Variants in KCNIP4 observed in about 807,000 individuals in gnomAD.
The protein encoded by KCNIP4 is potassium voltage-gated channel interacting protein 4, also known as Kv channel-interacting protein 4.
KCNIP4 carries 12 observed loss-of-function variants against 34.0 expected under a neutral mutation model. That is an observed-to-expected ratio of 0.35 (90% CI 0.23 to 0.57). The LOEUF is 0.57. Ranked by LOEUF, KCNIP4 falls within the 20% of genes least tolerant of loss-of-function variation. The probability of loss-of-function intolerance (pLI) is 0.83; values close to 1 mark genes in which losing one functional copy is unlikely to be tolerated. For synonymous variants in KCNIP4, 124 were observed against 102.2 expected (o/e 1.21, Z -1.29); for missense variants, 238 against 311.7 (o/e 0.76, Z 1.78).
At position 21,587,626 on chromosome 4, in the gene KCNIP4, T is replaced by G. The variant is rs190861988; in HGVS notation, c.61+360945A>C. 2.2e-4 allele frequency among the ~76,000 whole-genome samples: 33 copies of G among 152,158 alleles called. No homozygotes were observed. The East Asian group carries it at 6.2e-3, about 29-fold the overall frequency. On this transcript the variant is annotated intron_variant, in intron 1 of 8. Transcript: ENST00000382152. The stretch of plus-strand genomic sequence containing the variant: ...AAGTGCTTATTCTATCCCAGACGAT[T>G]TTCTAACTCACTGCAGCTGACCTGC...
intron 1 of KCNIP4, among the ~76,000 whole-genome samples, chr4:21,519,785 ATGTGTGTG>A (rs200025206): frequency 7.8e-6 from 1 of 128,578 alleles, no homozygotes; most frequent in Non-Finnish European, 1.6e-5. Context: ...ACGTGTGTGT[ATGTGTGTG>A]TATACACGTG....
intron 5 of KCNIP4, among the ~76,000 whole-genome samples, chr4:20,739,201 TA>T (rs1750448339): frequency 1.3e-5 from 2 of 152,280 alleles, no homozygotes; most frequent in South Asian, 4.2e-4. Flanking sequence ...TCTGCAGACT[TA>T]AACATCCCTG....
At chr4:21,010,729 G>A (rs1156610702) in intron 1 of KCNIP4, among the ~76,000 whole-genome samples, 1 of 152,182 alleles carries the variant, frequency 6.6e-6, no homozygotes, top group Non-Finnish European at 1.5e-5. Flanking sequence ...TTAGCAATAA[G>A]AGCATAGTAT....
At chr4:21,680,086 A>G (rs1225317748) in intron 1 of KCNIP4, among the ~76,000 whole-genome samples, 1 of 152,190 alleles carries the variant, frequency 6.6e-6, no homozygotes, top group Non-Finnish European at 1.5e-5. Flanking sequence ...CTGTTTGATA[A>G]CATTTTACCC....
At chr4:21,102,320 T>C (rs1328298470) in intron 1 of KCNIP4, among the ~76,000 whole-genome samples, 1 of 152,194 alleles carries the variant, frequency 6.6e-6, no homozygotes, top group Non-Finnish European at 1.5e-5. Flanking sequence ...GAAAGAACAA[T>C]TATGCTATCC....
chr4:21,418,548 G>A (rs959478706), intron 1 of KCNIP4, among the ~76,000 whole-genome samples: 4 of 152,072 alleles, frequency 2.6e-5, no homozygotes, highest in Non-Finnish European at 2.9e-5. Flanking sequence ...ATGAAACACA[G>A]AGATTATATA....
Position 21,214,661 on chromosome 4 carries a change from T to TA in KCNIP4, c.62-331953dup, listed in dbSNP as rs1448362927. 1.1e-4 allele frequency among the ~76,000 whole-genome samples: 16 copies of TA among 152,298 alleles called. 1 individual carries two copies. In the East Asian group the frequency reaches 2.7e-3, roughly 26 times the overall value. ...GAATACAATCTTACTTCTGTTGATT[T>TA]AAAACTTGACTATATATGTTAAACC... On this transcript the variant is annotated intron_variant, in intron 1 of 8. Coordinates refer to ENST00000382152, the MANE Select transcript of KCNIP4 (RefSeq NM_025221.6).
chr4:21,236,528 T>G (rs767369507), intron 1 of KCNIP4, among the ~76,000 whole-genome samples: 2 of 152,194 alleles, frequency 1.3e-5, no homozygotes, highest in Non-Finnish European at 2.9e-5. Context: ...TTAAGCAGTC[T>G]TGAGATAAGC....
chr4:21,200,945 C>T (rs773741327), intron 1 of KCNIP4, among the ~76,000 whole-genome samples: 1 of 152,164 alleles, frequency 6.6e-6, no homozygotes, highest in African/African-American at 2.4e-5. Flanking sequence ...ACTTCCTCCA[C>T]AGTCCCTACT....
At chr4:20,867,687 C>T (rs1723011381) in intron 2 of KCNIP4, among the ~76,000 whole-genome samples, 1 of 152,062 alleles carries the variant, frequency 6.6e-6, no homozygotes, top group South Asian at 2.1e-4. Context: ...CCTAATTAAA[C>T]TCAAGAGCTC....
intron 1 of KCNIP4, among the ~76,000 whole-genome samples, chr4:21,581,050 T>C (rs1310107853): frequency 2.0e-5 from 3 of 152,088 alleles, no homozygotes; most frequent in Non-Finnish European, 4.4e-5. Context: ...TTTCACTCTG[T>C]CACTCCACTT....
At chr4:21,472,039 A>G (rs967389564) in intron 1 of KCNIP4, among the ~76,000 whole-genome samples, 2 of 152,296 alleles carry the variant, frequency 1.3e-5, no homozygotes, top group Admixed American at 6.5e-5. Flanking sequence ...GTATCATCAC[A>G]AAGATGACAA....
intron 1 of KCNIP4, among the ~76,000 whole-genome samples, chr4:21,265,366 G>A (rs73249528): frequency 6.6e-6 from 1 of 152,210 alleles, no homozygotes; most frequent in Non-Finnish European, 1.5e-5. Flanking sequence ...CAATAAAGAA[G>A]TTTGACTTCA....
chr4:21,024,524 T>A (rs899374963), intron 1 of KCNIP4, among the ~76,000 whole-genome samples: 4 of 152,244 alleles, frequency 2.6e-5, no homozygotes, highest in Admixed American at 2.6e-4. Context: ...TTCCAGATAT[T>A]AGAGTTTACA....
rs545700248 is a variant in KCNIP4, at chr4:21,051,152, G to A, written c.62-168443C>T. On this transcript the variant is annotated intron_variant, in intron 1 of 8. Transcript: ENST00000382152. The stretch of plus-strand genomic sequence containing the variant: ...CATGGTTGTTCCTCTGTGGGGCACA[G>A]CACTTGGGCTTCCCTTCTTTGAGCA... 5.9e-5 allele frequency among the ~76,000 whole-genome samples: 9 copies of A among 152,358 alleles called. No individual in the cohort carries two copies. The East Asian group carries it at 1.5e-3, about 26-fold the overall frequency.
intron 1 of KCNIP4, among the ~76,000 whole-genome samples, chr4:20,931,282 G>A (rs1223615826): frequency 6.6e-6 from 1 of 151,966 alleles, no homozygotes; most frequent in Admixed American, 6.6e-5. Flanking sequence ...ATGGAGGCAT[G>A]GGTATACCTG....
At chr4:21,854,165 G>A (rs941436060) in intron 1 of KCNIP4, among the ~76,000 whole-genome samples, 6 of 152,106 alleles carry the variant, frequency 3.9e-5, no homozygotes, top group Non-Finnish European at 7.3e-5. Context: ...AGGCATATAC[G>A]CACAAGCTGA....
intron 3 of KCNIP4, among the ~76,000 whole-genome samples, chr4:20,788,772 T>C (rs939136337): frequency 6.6e-6 from 1 of 152,128 alleles, no homozygotes; most frequent in African/African-American, 2.4e-5. Flanking sequence ...GAATTCAGTA[T>C]GTAGTTGGTG....
intron 1 of KCNIP4, among the ~76,000 whole-genome samples, chr4:21,912,700 A>G (rs1728404681): frequency 1.3e-5 from 2 of 152,236 alleles, no homozygotes; most frequent in South Asian, 4.1e-4. Flanking sequence ...GCTTAAGGAT[A>G]GGAAAGGGCA....
Sources: gnomAD v4.1 joint callset for allele counts (sites outside exome capture counted in the v4.1 genomes callset) on GRCh38, gnomAD v4.1.1 for gene constraint, MANE v1.5 for transcripts, NCBI Gene and HGNC (gene_info 2026-07-23, HGNC 2026-07-21) for gene names.